CFAP47: variants seen among roughly 807,000 people sequenced by gnomAD.
CFAP47 encodes the protein cilia- and flagella-associated protein 47.
CFAP47 carries 29 observed loss-of-function variants against 148.1 expected under a neutral mutation model. The ratio of observed to expected loss-of-function variants is 0.20; its 90% CI spans 0.15 to 0.27. The LOEUF (loss-of-function observed/expected upper bound fraction) is 0.27, where lower values mean the gene tolerates loss of function less well. Among genes scored for constraint, CFAP47 ranks in the 10% least tolerant of loss-of-function variants. CFAP47 has a pLI of 1.00. For synonymous variants in CFAP47, 664 were observed against 577.3 expected (o/e 1.15, Z -2.15); for missense variants, 1,872 against 1,697.5 (o/e 1.10, Z -1.81).
rs777060079 is a variant in CFAP47, at chrX:35,956,203, T to A, written c.1410+7T>A. On this transcript the variant is annotated splice_region_variant and intron_variant, in intron 8 of 63. Coordinates refer to ENST00000378653, the MANE Select transcript of CFAP47 (RefSeq NM_001304548.2). ...TACTGGAGGGGGTATGGTGGTAAGATAATTTTTCTTTGCGTTTACATGGCA... is the reference window on the plus strand; with the variant it reads ...TACTGGAGGGGGTATGGTGGTAAGAAAATTTTTCTTTGCGTTTACATGGCA... The A allele has an allele frequency of 1.1e-4, 132 of 1,173,237 alleles. No individual in the cohort carries two copies. Among genetic ancestry groups the A allele is most frequent in the Non-Finnish European group, 1.7e-5 (15 of 862,973 alleles).
At chrX:36,342,101 G>A (rs1485500840) in intron 57 of CFAP47, among the ~76,000 whole-genome samples, 1 of 111,389 alleles carries the variant, frequency 9.0e-6, no homozygotes, top group East Asian at 2.8e-4. Flanking sequence ...TTCCCAGTCA[G>A]AAGATACAAA....
intron 33 of CFAP47, among the ~76,000 whole-genome samples, chrX:36,131,407 A>G (rs1026386395): frequency 9.0e-5 from 10 of 110,776 alleles, no homozygotes; most frequent in African/African-American, 3.3e-4. Flanking sequence ...CAGGGAGTAT[A>G]TGGGAAATCT....
intron 22 of CFAP47, among the ~76,000 whole-genome samples, chrX:36,027,507 A>T (rs1213062857): frequency 1.8e-5 from 2 of 111,087 alleles, no homozygotes; most frequent in Non-Finnish European, 3.8e-5. Context: ...TTGCTGCAAA[A>T]TACATGATTT....
intron 2 of CFAP47, among the ~76,000 whole-genome samples, chrX:35,940,323 G>T (rs758310916): frequency 0.015 from 1,644 of 110,716 alleles, 33 homozygotes; most frequent in African/African-American, 0.051. Flanking sequence ...GTCAATTTTG[G>T]CTTTTGTTGC....
rs185466597 is a variant in CFAP47 at position 35,921,693 on chromosome X, G to C, written c.249+1645G>C. 1.8e-3 allele frequency among the ~76,000 whole-genome samples: 197 copies of C among 111,872 alleles called. 2 individuals are homozygous for C. Among genetic ancestry groups the C allele is most frequent in the Middle Eastern group, 9.1e-3 (2 of 219 alleles). On this transcript the variant is annotated intron_variant, in intron 1 of 63. Transcript: ENST00000378653. ...GCTTAGTAGTTAGAAGCCAATATCA[G>C]TGTGAATTTTCCTTTGTTGCAAGAC...
chrX:36,078,268 C>T (rs1026719323), intron 29 of CFAP47, among the ~76,000 whole-genome samples: 5 of 110,592 alleles, frequency 4.5e-5, no homozygotes, highest in African/African-American at 6.6e-5. Context: ...TGTTAATCTT[C>T]GGTCTCGTAG....
intron 46 of CFAP47, among the ~76,000 whole-genome samples, chrX:36,234,469 C>G (rs1470689142): frequency 1.8e-5 from 2 of 112,175 alleles, no homozygotes; most frequent in Non-Finnish European, 3.8e-5. Flanking sequence ...GCTCCATCAG[C>G]TCCTTTAAGC....
At position 35,924,150 on chromosome X, in the gene CFAP47, C is replaced by T. The variant is rs189591601; in HGVS notation, c.250-1867C>T. ...ATATATGTATATGTGTACATGTATG[C>T]GTACATATATGTATATATGTACATG... On this transcript the variant is annotated intron_variant, in intron 1 of 63. Coordinates refer to ENST00000378653, the MANE Select transcript of CFAP47 (RefSeq NM_001304548.2). Among the ~76,000 whole-genome samples the T allele has an allele frequency of 9.0e-4, 84 of 92,994 alleles. 5 individuals carry two copies. Among genetic ancestry groups the T allele is most frequent in the African/African-American group, 3.5e-3 (76 of 21,443 alleles). 80.8% of individuals were successfully genotyped at this position (92,994 alleles called of 115,157 possible).
intron 45 of CFAP47, among the ~76,000 whole-genome samples, chrX:36,214,263 A>G (rs1480271941): frequency 9.0e-6 from 1 of 111,490 alleles, no homozygotes; most frequent in Non-Finnish European, 1.9e-5. Flanking sequence ...CAAATGGGGT[A>G]TAAAATATTT....
intron 21 of CFAP47, among the ~76,000 whole-genome samples, chrX:36,008,183 T>C (rs1272305123): frequency 1.8e-5 from 2 of 111,355 alleles, no homozygotes; most frequent in Admixed American, 1.9e-4. Context: ...TTCTCCAAAA[T>C]TGGAGCATCC....
At chrX:36,203,671 C>T (rs961427663) in intron 44 of CFAP47, among the ~76,000 whole-genome samples, 6 of 111,789 alleles carry the variant, frequency 5.4e-5, no homozygotes, top group Non-Finnish European at 9.4e-5. Context: ...TGAGCCTTGT[C>T]GTTGTTTAAT....
At chrX:36,382,059 C>A (rs1026742454) in intron 63 of CFAP47, among the ~76,000 whole-genome samples, 10 of 111,168 alleles carry the variant, frequency 9.0e-5, no homozygotes, top group African/African-American at 2.6e-4. Context: ...TCCTCAGATG[C>A]AGATCTTGAA....
intron 46 of CFAP47, among the ~76,000 whole-genome samples, chrX:36,233,838 T>C (rs1185986704): frequency 9.0e-6 from 1 of 110,926 alleles, no homozygotes; most frequent in Non-Finnish European, 1.9e-5. Flanking sequence ...AGCATTTGCT[T>C]GTCTGTAAAG....
intron 20 of CFAP47, 83 bp from the exon 21 acceptor site, chrX:36,001,530 G>T: frequency 3.7e-6 from 1 of 272,424 alleles, no homozygotes; most frequent in East Asian, 5.1e-5. Flanking sequence ...TCTTTACTGA[G>T]CATCTTCACA....
chrX:36,202,551 C>T (rs1939992819), intron 44 of CFAP47, among the ~76,000 whole-genome samples: 1 of 111,427 alleles, frequency 9.0e-6, no homozygotes, highest in Non-Finnish European at 1.9e-5. Flanking sequence ...CATTAGTGGG[C>T]TACCTCTCTC....
intron 57 of CFAP47, among the ~76,000 whole-genome samples, chrX:36,323,820 G>T (rs1941496637): frequency 9.0e-6 from 1 of 111,572 alleles, no homozygotes; most frequent in Admixed American, 9.5e-5. Flanking sequence ...TGTTGACCTA[G>T]ATTGGAGCTC....
chrX:35,981,111 G>T (rs1398000746), intron 15 of CFAP47, among the ~76,000 whole-genome samples: 1 of 109,531 alleles, frequency 9.1e-6, no homozygotes, highest in Non-Finnish European at 1.9e-5. Flanking sequence ...AGGAAAAGGG[G>T]AGTAAAGTTA....
chrX:36,179,635 G>A (rs1292333418), intron 40 of CFAP47, among the ~76,000 whole-genome samples: 1 of 111,384 alleles, frequency 9.0e-6, no homozygotes, highest in East Asian at 2.8e-4. Context: ...AAATATAGTA[G>A]ATTTTCATTA....
At chrX:35,976,890 C>T (rs1320202469) in intron 15 of CFAP47, among the ~76,000 whole-genome samples, 4 of 111,483 alleles carry the variant, frequency 3.6e-5, no homozygotes, top group African/African-American at 1.3e-4. Flanking sequence ...TCCTCTTAAC[C>T]TTGTTTCTGC....
Sources: allele counts gnomAD v4.1 joint callset (sites outside exome capture counted in the v4.1 genomes callset), GRCh38; gene constraint gnomAD v4.1.1; transcripts MANE v1.5; gene names NCBI Gene and HGNC (gene_info 2026-07-23, HGNC 2026-07-21).